The following CDH4 variants were observed in gnomAD, a reference collection of about 807,000 sequenced individuals.
CDH4 encodes the protein cadherin 4.
CDH4 carries 33 observed loss-of-function variants against 86.0 expected under a neutral mutation model. That is an observed-to-expected ratio of 0.38 (90% CI 0.29 to 0.51). The LOEUF is 0.51. Among genes scored for constraint, CDH4 ranks in the 20% least tolerant of loss-of-function variants. The pLI is 0.86. For synonymous variants in CDH4, 555 were observed against 549.4 expected, an observed-to-expected ratio of 1.01 and a Z score of -0.14; for missense variants, 1,114 against 1,307.4, an observed-to-expected ratio of 0.85 and a Z score of 2.28.
At chr20:61,661,514 T>C (rs2087257370) in intron 2 of CDH4, among the ~76,000 whole-genome samples, 1 of 148,476 alleles carries the variant, frequency 6.7e-6, no homozygotes, top group African/African-American at 2.5e-5. Flanking sequence ...ATGTCAGAGT[T>C]GGGTCTATAA....
Position 61,417,025 on chromosome 20 carries a change from T to C in CDH4, c.169+162088T>C, listed in dbSNP as rs374743909. 2.0e-5 allele frequency among the ~76,000 whole-genome samples: 3 copies of C among 152,078 alleles called. No individual in the cohort carries two copies. Among genetic ancestry groups the C allele is most frequent in the African/African-American group, 7.2e-5 (3 of 41,394 alleles). Reference sequence around the variant, plus strand: ...TGGAGAGGCTGAGCTGGGGAGGTGTTTGGAAACACCAATTCAGAACACAGC... The same window carrying C: ...TGGAGAGGCTGAGCTGGGGAGGTGTCTGGAAACACCAATTCAGAACACAGC... On this transcript the variant is annotated intron_variant, in intron 2 of 15. Coordinates refer to ENST00000614565, the MANE Select transcript of CDH4 (RefSeq NM_001794.5). This position sits in a 1 kb window ranked among gnomAD's most constrained non-coding sequence, Gnocchi z 4.0.
chr20:61,274,286 CATATGCAGTTTGGGGGAGTACT>C (rs2084211188), intron 2 of CDH4, among the ~76,000 whole-genome samples: 4 of 102,874 alleles, frequency 3.9e-5, no homozygotes, highest in African/African-American at 4.0e-5. Flanking sequence ...GGGGGAGTAC[CATATGCAGTTTGGGGGAGTACT>C]ATGTGCAGTT....
intron 4 of CDH4, among the ~76,000 whole-genome samples, chr20:61,788,257 G>A (rs1031163973): frequency 1.3e-5 from 2 of 152,198 alleles, no homozygotes; most frequent in African/African-American, 4.8e-5. Flanking sequence ...GCATGGGGTC[G>A]CGGAGCTTCT....
In CDH4 at chr20:61,829,326, C is replaced by T. The variant is rs1027778396; in HGVS notation, c.577-15342C>T. On this transcript the variant is annotated intron_variant, in intron 4 of 15. Transcript: ENST00000614565. This position sits in a 1 kb window ranked among gnomAD's most constrained non-coding sequence, Gnocchi z 4.2. ...TTCAAGGTTCAGCCATGCTGCAGCT[C>T]GTATCAGAACCTAGTTCCTTTCAGG... Among the ~76,000 whole-genome samples, 6 of 152,202 alleles carry T rather than the reference C, an allele frequency of 3.9e-5. No homozygotes were observed. The highest frequency in any genetic ancestry group is 1.2e-4 in the African/African-American group (5 of 41,448).
intron 2 of CDH4, among the ~76,000 whole-genome samples, chr20:61,366,295 T>G (rs2084810534): frequency 6.6e-6 from 1 of 152,192 alleles, no homozygotes; most frequent in South Asian, 2.1e-4. Context: ...CTGTCTTGGC[T>G]TAGAGTCTGG....
intron 11 of CDH4, among the ~76,000 whole-genome samples, chr20:61,925,274 G>T (rs190567417): frequency 6.6e-6 from 1 of 152,266 alleles, no homozygotes; most frequent in East Asian, 1.9e-4. Context: ...CGAACTGGCC[G>T]AGCCCCCCAC....
At chr20:61,358,604 G>A (rs1268153460) in intron 2 of CDH4, among the ~76,000 whole-genome samples, 1 of 152,208 alleles carries the variant, frequency 6.6e-6, no homozygotes, top group Non-Finnish European at 1.5e-5. Context: ...CCAGTCCCTT[G>A]TAAAGAGATA....
chr20:61,742,801 C>T (rs1258405590), intron 2 of CDH4, among the ~76,000 whole-genome samples: 3 of 152,274 alleles, frequency 2.0e-5, no homozygotes, highest in South Asian at 2.1e-4. Context: ...ATGCTGGAGC[C>T]GTGAAGGGAG....
intron 2 of CDH4, among the ~76,000 whole-genome samples, chr20:61,300,061 ACT>A (rs1300135154): frequency 1.3e-4 from 20 of 151,954 alleles, no homozygotes; most frequent in East Asian, 3.9e-4. Context: ...ACATGAAGAG[ACT>A]CTTCTGCACG....
intron 2 of CDH4, among the ~76,000 whole-genome samples, chr20:61,712,375 G>C (rs575115331): frequency 7.5e-4 from 114 of 152,316 alleles, no homozygotes; most frequent in African/African-American, 2.7e-3. Flanking sequence ...GTCAGGGACA[G>C]GGTGTTTGGA....
At chr20:61,914,854 C>G (rs529081756) in intron 9 of CDH4, among the ~76,000 whole-genome samples, 66 of 152,300 alleles carry the variant, frequency 4.3e-4, no homozygotes, top group Admixed American at 2.9e-3. Context: ...AAACCAAGTT[C>G]CTACAGCACT....
chr20:61,442,895 TG>T (rs2085321898), intron 2 of CDH4, among the ~76,000 whole-genome samples: 1 of 152,204 alleles, frequency 6.6e-6, no homozygotes, highest in Non-Finnish European at 1.5e-5. Flanking sequence ...CACCCCATGG[TG>T]GGGGCTGCCT....
chr20:61,766,369 C>T (rs893243732), intron 3 of CDH4, among the ~76,000 whole-genome samples: 16 of 152,138 alleles, frequency 1.1e-4, no homozygotes, highest in Admixed American at 5.9e-4. Flanking sequence ...TCCTAGGCCC[C>T]CCTTGGCCCA....
At chr20:61,923,777 C>T in intron 10 of CDH4, 73 bp downstream of exon 10, 4 of 1,541,910 alleles carry the variant, frequency 2.6e-6, no homozygotes, top group Non-Finnish European at 3.5e-6. Context: ...CAGAAATACC[C>T]CATGAAACCC....
At chr20:61,878,507 C>T (rs1327087079) in intron 7 of CDH4, among the ~76,000 whole-genome samples, 1 of 152,250 alleles carries the variant, frequency 6.6e-6, no homozygotes, top group East Asian at 1.9e-4. Flanking sequence ...AGCTCGAGGG[C>T]TTCCATTAGG....
At chr20:61,884,744 G>A (rs1402932657) in intron 7 of CDH4, among the ~76,000 whole-genome samples, 2 of 152,190 alleles carry the variant, frequency 1.3e-5, no homozygotes, top group Admixed American at 6.5e-5. Context: ...CTGGACAGGT[G>A]GAATGTGCCA....
At chr20:61,720,782 C>T (rs770403724) in intron 2 of CDH4, among the ~76,000 whole-genome samples, 15 of 152,040 alleles carry the variant, frequency 9.9e-5, no homozygotes, top group South Asian at 2.1e-4. Context: ...TTGTAGGGGT[C>T]GGGGAGGCGT....
chr20:61,572,148 G>A (rs2086346645), intron 2 of CDH4, among the ~76,000 whole-genome samples: 1 of 152,132 alleles, frequency 6.6e-6, no homozygotes, highest in African/African-American at 2.4e-5. Flanking sequence ...TGGCAGCCGT[G>A]GGGATCTGGG....
chr20:61,866,692 G>A (rs1227689502), intron 6 of CDH4, among the ~76,000 whole-genome samples: 2 of 152,348 alleles, frequency 1.3e-5, no homozygotes, highest in East Asian at 3.9e-4. Flanking sequence ...GAGACGGTCA[G>A]TGCCTTCTCC....
Sources: gnomAD v4.1 joint callset for allele counts (sites outside exome capture counted in the v4.1 genomes callset) on GRCh38, gnomAD v4.1.1 for gene constraint, Gnocchi (gnomAD v3.1) non-coding constraint, MANE v1.5 for transcripts, NCBI Gene and HGNC (gene_info 2026-07-23, HGNC 2026-07-21) for gene names.